Variants in DENND1C observed in about 807,000 individuals in gnomAD.
DENND1C encodes the protein DENN domain containing 1C.
In DENND1C, 64 loss-of-function variants were observed where a neutral mutation model predicts 87.9. The ratio of observed to expected loss-of-function variants is 0.73; its 90% confidence interval spans 0.60 to 0.90. DENND1C has a LOEUF of 0.90. DENND1C is among the 40% of genes least tolerant of loss of function. The probability of loss-of-function intolerance (pLI) is 0.00; values close to 1 mark genes in which losing one functional copy is unlikely to be tolerated. For missense variants in DENND1C, 980 were observed against 1,037.0 expected (o/e 0.95, Z 0.76); for synonymous variants, 384 against 424.4 (o/e 0.90, Z 1.17).
chr19:6,467,655 G>T lies in DENND1C; in HGVS notation c.2255C>A (p.Pro752His), dbSNP rs199700039. ...AGCGCGCTCTGCCAGCAGGGCTTTG[G>T]GAGGCCGGGCTCTGGGGTCCTCCAG... ...SSLEDPRARPPKALLAERAHL... is the reference protein window; with the variant it reads ...SSLEDPRARPHKALLAERAHL... The change falls in exon 23 of 23, where the codon CCC becomes CAC. Residue 752 changes from proline (P) to histidine (H), a missense_variant. Pro to His is a moderately conservative substitution (Grantham distance 77). Transcript: ENST00000381480. The T allele has an allele frequency of 1.3e-4, 194 of 1,536,300 alleles. No individual in the cohort carries two copies. Among genetic ancestry groups the T allele is most frequent in the Non-Finnish European group, 1.5e-4 (174 of 1,144,612 alleles).
intron 19 of DENND1C, 144 bp downstream of exon 19, chr19:6,469,452 T>A: frequency 2.5e-6 from 2 of 785,410 alleles, no homozygotes; most frequent in Non-Finnish European, 2.1e-6. Context: ...AGATAATTTT[T>A]AACTATTTTT....
Position 6,469,617 on chromosome 19 carries a change from CA to C in DENND1C, c.1385del (p.Val462GlyfsTer5). 6.2e-7 allele frequency: 1 copy of C among 1,604,676 alleles called. No homozygotes were observed. Among genetic ancestry groups the C allele is most frequent in the Non-Finnish European group, 8.5e-7 (1 of 1,176,028 alleles). On this transcript the variant is annotated frameshift_variant, in exon 19 of 23. Transcript: ENST00000381480. LOFTEE classifies it high-confidence loss of function. ...TTACCTTATACATTAGAAGGCTCTG[CA>C]CCCCCTTCAAGCCACTCTTGGCCTA... ...YRSAKSGLKG[V>X]QSLLMYKDGD...
At chr19:6,476,738 A>G in intron 10 of DENND1C, 119 bp downstream of exon 10, 3 of 1,041,068 alleles carry the variant, frequency 2.9e-6, no homozygotes, top group African/African-American at 1.6e-5. Flanking sequence ...GGGCGGGGCC[A>G]GGACTTCGCC....
rs376804286 is a variant in DENND1C, at chr19:6,467,791, G to A, written c.2119C>T (p.Pro707Ser). ...CTTTCTGGAGGGCTGGGCTCAGTGGGTGCAGTGGAGAGCCAGGGAGTGGGG... is the reference window on the plus strand; with the variant it reads ...CTTTCTGGAGGGCTGGGCTCAGTGGATGCAGTGGAGAGCCAGGGAGTGGGG... The part of the protein sequence containing the change: ...ENPTPWLSTA[P>S]TEPSPPESPQ... Residue 707 changes from proline to serine, a missense_variant, in exon 23 of 23, where the codon CCC (proline) becomes TCC (serine). Physicochemically the swap from Pro to Ser is moderately conservative, Grantham distance 74. Coordinates refer to ENST00000381480, the MANE Select transcript of DENND1C (RefSeq NM_024898.4). 6.5e-7 allele frequency: 1 copy of A among 1,534,578 alleles called. No individual in the cohort carries two copies. The highest frequency in any genetic ancestry group is 8.7e-7 in the Non-Finnish European group (1 of 1,143,904).
rs760906473 is a variant in DENND1C, at chr19:6,468,874, C to T, written c.1487G>A (p.Arg496His). The change falls in exon 20 of 23, where the codon CGC (arginine) becomes CAC (histidine). Residue 496 changes from arginine to histidine, a missense_variant. By Grantham distance (29) the Arg-to-His change is conservative. Transcript: ENST00000381480. ...TCCAAAGTGCTGAGTGATTGGGAGG[C>T]GTTGCTGCAGGCGGTCTGAGCGGCT... ...LPSRSDRLQQ[R>H]LPITQHFGKN... 12 of 1,508,112 alleles carry T rather than the reference C, an allele frequency of 8.0e-6. No individual in the cohort carries two copies. The highest frequency in any genetic ancestry group is 4.7e-5 in the Admixed American group (2 of 42,748). 93.4% of individuals were successfully genotyped at this position (1,508,112 alleles called of 1,614,324 possible).
At chr19:6,481,556 G>C in intron 1 of DENND1C, 123 bp downstream of exon 1, 1 of 1,446,334 alleles carries the variant, frequency 6.9e-7, no homozygotes, top group Non-Finnish European at 9.4e-7. Context: ...TCTGATTCCA[G>C]CCACCTGCCC....
chr19:6,471,216 A>G (rs1401250742), intron 17 of DENND1C, 49 bp downstream of exon 17: 1 of 1,554,356 alleles, frequency 6.4e-7, no homozygotes, highest in African/African-American at 1.4e-5. Context: ...ATGTGTTGGG[A>G]TTACAGGCCT....
rs1199848758 is a variant in DENND1C, at chr19:6,469,636, T to C, written c.1367A>G (p.Lys456Arg). 6.2e-7 allele frequency: 1 copy of C among 1,606,412 alleles called. No individual in the cohort carries two copies. Among genetic ancestry groups the C allele is most frequent in the Admixed American group, 1.7e-5 (1 of 58,998 alleles). Reference sequence around the variant, plus strand: ...GCTCTGCACCCCCTTCAAGCCACTCTTGGCCTATAAAGGAGTGGACAGAGA... The same window carrying C: ...GCTCTGCACCCCCTTCAAGCCACTCCTGGCCTATAAAGGAGTGGACAGAGA... Reference protein sequence around the residue: ...PAVKNMYRSAKSGLKGVQSLL... With the variant: ...PAVKNMYRSARSGLKGVQSLL... The change falls in exon 19 of 23, where the codon AAG becomes AGG. Residue 456 changes from lysine (K) to arginine (R), a missense_variant. Physicochemically the swap from Lys to Arg is conservative, Grantham distance 26 (BLOSUM62 2). Transcript: ENST00000381480.
At chr19:6,481,403 G>T (rs1913556165) in intron 1 of DENND1C, among the ~76,000 whole-genome samples, 1 of 151,830 alleles carries the variant, frequency 6.6e-6, no homozygotes, top group Admixed American at 6.6e-5. Context: ...ACATACCAAG[G>T]ACAAAGCTCA....
At chr19:6,476,023 C>T in intron 10 of DENND1C, 86 bp from the exon 11 acceptor site, 1 of 1,210,486 alleles carries the variant, frequency 8.3e-7, no homozygotes, top group Non-Finnish European at 1.1e-6. Flanking sequence ...CGTCCCCAGT[C>T]TCCTGTTCCC....
chr19:6,475,466 G>A lies in DENND1C; in HGVS notation c.927+18C>T, dbSNP rs1413317165. 1 of 1,613,680 alleles carries A rather than the reference G, an allele frequency of 6.2e-7. No individual in the cohort carries two copies. The highest frequency in any genetic ancestry group is 8.5e-7 in the Non-Finnish European group (1 of 1,179,846). ...CCCTCGCCTCCCGGGGCAGGAAGGT[G>A]GGAGGGGCGACACTGACCACGTCTG... On this transcript the variant is annotated intron_variant, in intron 13 of 22. Coordinates refer to ENST00000381480, the MANE Select transcript of DENND1C (RefSeq NM_024898.4).
intron 18 of DENND1C, 93 bp downstream of exon 18, chr19:6,470,202 G>T: frequency 7.7e-7 from 1 of 1,292,114 alleles, no homozygotes; most frequent in Non-Finnish European, 1.1e-6. Context: ...TGTCTGCCAG[G>T]GTCAAAATAC....
chr19:6,479,381 G>T lies in DENND1C; in HGVS notation c.176+288C>A, dbSNP rs574880249. 2.2e-5 allele frequency among the ~76,000 whole-genome samples: 3 copies of T among 134,654 alleles called. 1 individual carries two copies. Among genetic ancestry groups the T allele is most frequent in the African/African-American group, 1.1e-4 (3 of 27,126 alleles). The allele number at this position is 134,654 out of a possible 152,430, so 88.3% of individuals were successfully genotyped here. On this transcript the variant is annotated intron_variant, in intron 4 of 22. Coordinates refer to ENST00000381480, the MANE Select transcript of DENND1C (RefSeq NM_024898.4). ...CTGAGTTTCTGAGTCTCTGGGTTCC[G>T]AAGTCCCTGAATCCTTGTGTCCCTG...
intron 14 of DENND1C, 126 bp from the exon 15 acceptor site, chr19:6,473,119 T>A (rs966352743): frequency 1.6e-6 from 1 of 619,622 alleles, no homozygotes; most frequent in South Asian, 3.0e-5. Flanking sequence ...TGGGGCCTCA[T>A]GGATGGCAGG....
Position 6,467,980 on chromosome 19 carries a change from G to A in DENND1C, c.1930C>T (p.Pro644Ser). The change falls in exon 23 of 23, where the codon CCC becomes TCC. Residue 644 changes from proline to serine, a missense_variant. Physicochemically the swap from Pro to Ser is moderately conservative, Grantham distance 74. Transcript: ENST00000381480. ...SSKDSRSQLI[P>S]SESDQEVTSP... ...GTGACTTCTTGGTCGGACTCTGAGG[G>A]TATCAGCTGGGACCTGGAGTCCTTT... 6.2e-7 allele frequency: 1 copy of A among 1,613,908 alleles called. No individual in the cohort carries two copies. Among genetic ancestry groups the A allele is most frequent in the Non-Finnish European group, 8.5e-7 (1 of 1,179,868 alleles).
intron 17 of DENND1C, 57 bp from the exon 18 acceptor site, chr19:6,470,423 C>G: frequency 1.3e-6 from 2 of 1,552,636 alleles, no homozygotes; most frequent in Non-Finnish European, 1.8e-6. Context: ...ACCTCCCCAT[C>G]CCAGGTTGTG....
intron 17 of DENND1C, among the ~76,000 whole-genome samples, chr19:6,470,623 T>G (rs1438381248): frequency 1.4e-5 from 2 of 144,976 alleles, no homozygotes; most frequent in Admixed American, 6.8e-5. Flanking sequence ...TTTTTTTGTT[T>G]TTTTTTTTTT....
intron 21 of DENND1C, 43 bp from the exon 22 acceptor site, chr19:6,468,484 C>A (rs750927634): frequency 7.6e-5 from 120 of 1,581,958 alleles, no homozygotes; most frequent in Non-Finnish European, 9.9e-5. Context: ...CCAAGACCCC[C>A]AGCCCTGGTC....
rs1178970785 is a variant in DENND1C, at chr19:6,480,043, G to C, written c.26C>G (p.Ser9Cys). The C allele has an allele frequency of 6.2e-7, 1 of 1,608,294 alleles. No individual in the cohort carries two copies. The highest frequency in any genetic ancestry group is 8.5e-7 in the Non-Finnish European group (1 of 1,177,974). MESRAEGG[S>C]PAVFDWFFEA... ...GAAGAACCAATCAAACACAGCAGGG[G>C]AGCCCCCTCTGTGGGATGCAGAAGG... Residue 9 changes from serine (S) to cysteine (C), a missense_variant, in exon 2 of 23, where the codon TCC becomes TGC. Transcript: ENST00000381480.
Sources: gnomAD v4.1 joint callset for allele counts (sites outside exome capture counted in the v4.1 genomes callset) on GRCh38, gnomAD v4.1.1 for gene constraint, MANE v1.5 for transcripts, NCBI Gene and HGNC (gene_info 2026-07-23, HGNC 2026-07-21) for gene names.